NHS: variants seen among roughly 807,000 people sequenced by gnomAD.
The protein encoded by NHS is actin remodeling regulator NHS.
NHS carries 5 observed loss-of-function variants against 72.5 expected under a neutral mutation model. The observed-to-expected ratio is 0.07, with a 90% CI of 0.04 to 0.14. The LOEUF is 0.14. NHS is among the 10% of genes least tolerant of loss of function. NHS has a pLI of 1.00. For missense variants in NHS, 1,072 were observed against 1,355.7 expected, an observed-to-expected ratio of 0.79 and a Z score of 3.29; for synonymous variants, 464 against 547.7, an observed-to-expected ratio of 0.85 and a Z score of 2.13.
intron 1 of NHS, among the ~76,000 whole-genome samples, chrX:17,573,846 C>T (rs2065495018): frequency 9.0e-6 from 1 of 111,555 alleles, no homozygotes; most frequent in Admixed American, 9.5e-5. Context: ...TGTTGGTGAC[C>T]TACGGATGGG....
intron 1 of NHS, among the ~76,000 whole-genome samples, chrX:17,413,713 T>C (rs1448165155): frequency 8.9e-6 from 1 of 111,858 alleles, no homozygotes; most frequent in Non-Finnish European, 1.9e-5. Context: ...TCGGGGGAGC[T>C]ATCACTCTAT....
At chrX:17,623,964 A>G (rs937750537) in intron 1 of NHS, among the ~76,000 whole-genome samples, 9 of 112,783 alleles carry the variant, frequency 8.0e-5, no homozygotes, top group Non-Finnish European at 1.3e-4. Context: ...TGGAATTATC[A>G]TTGGAGTTGT....
At chrX:17,507,511 T>C (rs931452703) in intron 1 of NHS, among the ~76,000 whole-genome samples, 1 of 111,959 alleles carries the variant, frequency 8.9e-6, no homozygotes, top group Non-Finnish European at 1.9e-5. Context: ...CCCAGGTGTG[T>C]TTTTAAATTC....
At position 17,588,043 on chromosome X, in the gene NHS, T is replaced by C. The variant is rs2065584649; in HGVS notation, c.566-99699T>C. Among the ~76,000 whole-genome samples the C allele has an allele frequency of 6.2e-5, 7 of 112,207 alleles. No individual in the cohort carries two copies. In the South Asian group the frequency reaches 2.6e-3, roughly 41 times the overall value. On this transcript the variant is annotated intron_variant, in intron 1 of 8. Coordinates refer to ENST00000676302, the MANE Select transcript of NHS (RefSeq NM_001291867.2). ...ACAAAATATAATGCCTGAATGTAGA[T>C]GGTTCTAGGGTTGTCTCTTCCCATT...
chrX:17,635,322 G>A, intron 1 of NHS: 1 of 1,086,300 alleles, frequency 9.2e-7, no homozygotes, highest in Non-Finnish European at 1.2e-6. Flanking sequence ...AACCCTGGAG[G>A]GATTAGCAGC....
intron 1 of NHS, among the ~76,000 whole-genome samples, chrX:17,473,520 A>G (rs2146904435): frequency 8.9e-6 from 1 of 112,461 alleles, no homozygotes; most frequent in East Asian, 2.8e-4. Flanking sequence ...TTAAATTTTA[A>G]AATGGGTGTT....
intron 1 of NHS, among the ~76,000 whole-genome samples, chrX:17,545,332 G>A (rs1252334152): frequency 4.5e-5 from 5 of 112,231 alleles, no homozygotes; most frequent in African/African-American, 1.6e-4. Context: ...CCATTTCAAC[G>A]TTTTCTGTTT....
intron 1 of NHS, among the ~76,000 whole-genome samples, chrX:17,638,934 G>C (rs1385612583): frequency 1.8e-5 from 2 of 111,866 alleles, no homozygotes; most frequent in African/African-American, 6.5e-5. Flanking sequence ...TGGCAGATGG[G>C]ACATGAAATA....
At chrX:17,480,190 A>T (rs2064940464) in intron 1 of NHS, among the ~76,000 whole-genome samples, 1 of 111,884 alleles carries the variant, frequency 8.9e-6, no homozygotes, top group African/African-American at 3.2e-5. Flanking sequence ...ATATCATGCA[A>T]ATGGCCATAC....
intron 1 of NHS, among the ~76,000 whole-genome samples, chrX:17,525,460 T>C (rs1470822742): frequency 8.9e-6 from 1 of 111,910 alleles, no homozygotes; most frequent in Non-Finnish European, 1.9e-5. Flanking sequence ...TTCAAAATAC[T>C]TGTGTGGGAG....
chrX:17,571,823 TAC>T (rs2065480314), intron 1 of NHS, among the ~76,000 whole-genome samples: 1 of 112,412 alleles, frequency 8.9e-6, no homozygotes, highest in Admixed American at 9.4e-5. Flanking sequence ...AATTTTCCTC[TAC>T]ACACTGCTTA....
In NHS at chrX:17,615,414, G is replaced by A. The variant is rs757829982; in HGVS notation, c.566-72328G>A. 7.6e-5 allele frequency among the ~76,000 whole-genome samples: 8 copies of A among 105,421 alleles called. No homozygotes were observed. The East Asian group carries it at 2.1e-3, about 28-fold the overall frequency. The allele number at this position is 105,421 out of a possible 115,157, so 91.5% of individuals were successfully genotyped here. On this transcript the variant is annotated intron_variant, in intron 1 of 8. Coordinates refer to ENST00000676302, the MANE Select transcript of NHS (RefSeq NM_001291867.2). ...ACTACAGGTGCATGACAACACACTC[G>A]GCTAATTTTTTTTTTTTTGTGGAGA...
intron 1 of NHS, among the ~76,000 whole-genome samples, chrX:17,622,586 C>G (rs778955777): frequency 3.6e-5 from 4 of 112,429 alleles, no homozygotes; most frequent in African/African-American, 1.3e-4. Flanking sequence ...GCCCTAGGTC[C>G]TGAGGCTGCA....
chrX:17,536,857 C>CT (rs1012650038), intron 1 of NHS, among the ~76,000 whole-genome samples: 11 of 111,970 alleles, frequency 9.8e-5, no homozygotes, highest in African/African-American at 3.2e-4. Context: ...TGCAAAGCCT[C>CT]TTTTTTTCCA....
chrX:17,539,901 A>C (rs1390865591), intron 1 of NHS, among the ~76,000 whole-genome samples: 4 of 112,236 alleles, frequency 3.6e-5, no homozygotes, highest in African/African-American at 1.3e-4. Flanking sequence ...CTGCCTCAGC[A>C]AACCCTGAAG....
intron 1 of NHS, among the ~76,000 whole-genome samples, chrX:17,474,933 C>T (rs1432682893): frequency 9.0e-6 from 1 of 111,198 alleles, no homozygotes; most frequent in Non-Finnish European, 1.9e-5. Context: ...CATCCTAGAC[C>T]TGGGGAACTG....
chrX:17,715,452 T>C (rs144404459), intron 3 of NHS, among the ~76,000 whole-genome samples: 135 of 112,738 alleles, frequency 1.2e-3, no homozygotes, highest in Admixed American at 3.1e-3. Context: ...GTTGGTTCCA[T>C]ATTTTTGCAA....
chrX:17,610,185 G>A (rs1054815811), intron 1 of NHS, among the ~76,000 whole-genome samples: 1 of 111,892 alleles, frequency 8.9e-6, no homozygotes, highest in East Asian at 2.8e-4. Flanking sequence ...AAAGATGATC[G>A]TCTGGCTGGA....
rs149153242 is a variant in NHS, at chrX:17,732,050, T to C, written c.4542T>C (p.Asn1514=). ...ATGCCAAAAAGTCCAACACATCCAA[T>C]GAAGAGTTTAAGCTGTTACTGCTCA... ...YRNAKKSNTS[N]EEFKLLLLKK... is the part of the protein sequence containing the mutation. The change falls in exon 9 of 9, where the codon AAT becomes AAC. Residue 1514 remains asparagine (N), a synonymous_variant. Coordinates refer to ENST00000676302, the MANE Select transcript of NHS (RefSeq NM_001291867.2). 8 of 1,208,937 alleles carry C rather than the reference T, an allele frequency of 6.6e-6. No individual in the cohort carries two copies. In the African/African-American group the frequency reaches 1.4e-4, roughly 21 times the overall value.
Sources: allele counts gnomAD v4.1 joint callset (sites outside exome capture counted in the v4.1 genomes callset), GRCh38; gene constraint gnomAD v4.1.1; transcripts MANE v1.5; gene names NCBI Gene and HGNC (gene_info 2026-07-23, HGNC 2026-07-21).